The following AHCY variants were observed in gnomAD, a reference collection of about 807,000 sequenced individuals.
The protein encoded by AHCY is adenosylhomocysteinase.
Under a neutral mutation model 45.4 loss-of-function variants are expected in AHCY, and 24 were observed. That is an observed-to-expected ratio of 0.53 (90% CI 0.38 to 0.74). AHCY has a LOEUF of 0.74. Among genes scored for constraint, AHCY ranks in the 30% least tolerant of loss-of-function variants. AHCY has a pLI of 0.00. For synonymous variants in AHCY, 245 were observed against 235.1 expected, an observed-to-expected ratio of 1.04 and a Z score of -0.39; for missense variants, 449 against 594.1, an observed-to-expected ratio of 0.76 and a Z score of 2.54.
rs766897311 is a variant in AHCY, at chr20:34,290,752, C to T, written c.745G>A (p.Ala249Thr). Reference protein sequence around the residue: ...VIITEIDPINALQAAMEGYEV... With the variant: ...VIITEIDPINTLQAAMEGYEV... ...CTACCCTCCATGGCAGCCTGCAGTG[C>T]GTTGATGGGGTCAATCTCGGTGATG... Residue 249 changes from alanine (A) to threonine (T), a missense_variant, in exon 6 of 10, where the codon GCA (alanine) becomes ACA (threonine). Coordinates refer to ENST00000217426, the MANE Select transcript of AHCY (RefSeq NM_000687.4). The surrounding 1 kb of genome is among the most constrained non-coding windows in gnomAD (Gnocchi z 4.5). 1.9e-6 allele frequency: 3 copies of T among 1,613,938 alleles called. No individual in the cohort carries two copies. The highest frequency in any genetic ancestry group is 1.7e-6 in the Non-Finnish European group (2 of 1,180,018).
At chr20:34,253,528 A>C in the AHCY span, among the ~76,000 whole-genome samples, 1 of 151,304 alleles carries the variant, frequency 6.6e-6, no homozygotes, top group Admixed American at 6.6e-5. Flanking sequence ...GCCGGAGTGC[A>C]ATGGCACAAT....
intron 8 of AHCY, among the ~76,000 whole-genome samples, chr20:34,289,903 G>A (rs1256833371): frequency 6.6e-6 from 1 of 152,114 alleles, no homozygotes; most frequent in African/African-American, 2.4e-5. Flanking sequence ...TTACAGGTGT[G>A]AGCCACCATG....
chr20:34,235,323 C>G, the AHCY span, among the ~76,000 whole-genome samples: 1 of 152,080 alleles, frequency 6.6e-6, no homozygotes, highest in African/African-American at 2.4e-5. Flanking sequence ...ACCTGTAATC[C>G]CAGCTACTTG....
At chr20:34,240,592 G>A in the AHCY span, among the ~76,000 whole-genome samples, 2 of 152,254 alleles carry the variant, frequency 1.3e-5, no homozygotes, top group East Asian at 3.9e-4. Flanking sequence ...CTAATAAGGT[G>A]GGCTGGGCCT....
Position 34,294,061 on chromosome 20 carries a change from C to T in AHCY, c.295+20G>A. 2 of 1,613,440 alleles carry T rather than the reference C, an allele frequency of 1.2e-6. No individual in the cohort carries two copies. Among genetic ancestry groups the T allele is most frequent in the Non-Finnish European group, 1.7e-6 (2 of 1,179,418 alleles). On this transcript the variant is annotated intron_variant, in intron 3 of 9. Coordinates refer to ENST00000217426, the MANE Select transcript of AHCY (RefSeq NM_000687.4). ...GAATCCCTTCACAAATTCCACGTCT[C>T]AGAAGCAAGCAGGACTTACCCGGAA...
intron 1 of AHCY, among the ~76,000 whole-genome samples, chr20:34,308,955 A>ATTTT (rs769193254): frequency 2.2e-5 from 2 of 89,574 alleles, no homozygotes; most frequent in African/African-American, 4.7e-5. Flanking sequence ...CGCCTGGCCA[A>ATTTT]TTTTTTTTTT....
chr20:34,307,916 C>G (rs761911837), upstream of AHCY, among the ~76,000 whole-genome samples: 1 of 151,988 alleles, frequency 6.6e-6, no homozygotes, highest in African/African-American at 2.4e-5. Context: ...AGCACAGCAC[C>G]TAAGTTTTTT....
At chr20:34,297,695 A>T (rs1393519526) in intron 1 of AHCY, among the ~76,000 whole-genome samples, 1 of 152,060 alleles carries the variant, frequency 6.6e-6, no homozygotes, top group Non-Finnish European at 1.5e-5. Context: ...TACTCTCCTC[A>T]ACCCTCCAAC....
rs764535216 is a variant in AHCY at position 34,281,151 on chromosome 20, C to T, written c.1182G>A (p.Val394=). Residue 394 remains valine, a synonymous_variant, in exon 10 of 10, where the codon GTG becomes GTA. Transcript: ENST00000217426. The stretch of plus-strand genomic sequence containing the variant: ...TCAGCTTGCCCAGGTGGGCTTCAGC[C>T]ACTGCCTCATCCAGCTGGGGAGAAA... ...HFLPKKLDEA[V]AEAHLGKLNV... 2 of 1,613,456 alleles carry T rather than the reference C, an allele frequency of 1.2e-6. No individual in the cohort carries two copies. The highest frequency in any genetic ancestry group is 1.7e-6 in the Non-Finnish European group (2 of 1,180,014).
At chr20:34,280,247 T>C (rs1427662228), downstream of AHCY, 1 of 152,412 alleles carries the variant, frequency 6.6e-6, no homozygotes, top group Non-Finnish European at 1.5e-5. Flanking sequence ...GGATTATCTA[T>C]AAAATAAAGG....
rs548324389 is a variant in AHCY, at chr20:34,292,210, G to A, written c.445+148C>T. On this transcript the variant is annotated intron_variant, in intron 4 of 9. Coordinates refer to ENST00000217426, the MANE Select transcript of AHCY (RefSeq NM_000687.4). ...CACCCTCAGAAGTCAGGAGGCCCCAGCATGAATGCCAGAGCCTGCCATCCT... is the reference window on the plus strand; with the variant it reads ...CACCCTCAGAAGTCAGGAGGCCCCAACATGAATGCCAGAGCCTGCCATCCT... 2.9e-4 allele frequency: 328 copies of A among 1,144,768 alleles called. No homozygotes were observed. The African/African-American group carries it at 4.6e-3, about 16-fold the overall frequency. The allele number at this position is 1,144,768 out of a possible 1,614,324, so 70.9% of individuals were successfully genotyped here. A position where few individuals can be genotyped will look rare whatever the true frequency, so the allele number is the denominator to read the frequency against.
chr20:34,277,953 C>A (rs2035923244), downstream of AHCY, among the ~76,000 whole-genome samples: 1 of 152,118 alleles, frequency 6.6e-6, no homozygotes, highest in Admixed American at 6.6e-5. Flanking sequence ...CAACCACAGG[C>A]CTCATCTTCC....
the AHCY span, among the ~76,000 whole-genome samples, chr20:34,272,857 CTG>C: frequency 2.0e-5 from 3 of 152,188 alleles, no homozygotes; most frequent in African/African-American, 4.8e-5. Context: ...GCATTCCAGG[CTG>C]TGTCTCAAAA....
rs139394846 is a variant in AHCY at position 34,309,320 on chromosome 20, T to C, written c.-57+2152A>G. Among the ~76,000 whole-genome samples, 336 of 152,316 alleles carry C rather than the reference T, an allele frequency of 2.2e-3. 5 individuals carry two copies. The East Asian group carries it at 0.026, about 12-fold the overall frequency. ...ACATATTTTGCAGCTCTGTTTTCCATACATACACACTTCGGAGTGCTATGT... is the reference window on the plus strand; with the variant it reads ...ACATATTTTGCAGCTCTGTTTTCCACACATACACACTTCGGAGTGCTATGT... On this transcript the variant is annotated intron_variant, in intron 1 of 9. Coordinates refer to the AHCY transcript ENST00000538132.
intron 1 of AHCY, among the ~76,000 whole-genome samples, chr20:34,296,291 G>C (rs1232334624): frequency 2.0e-5 from 3 of 152,106 alleles, no homozygotes; most frequent in African/African-American, 7.2e-5. Flanking sequence ...CTTTTCCAGA[G>C]ACCAACCTAC....
At chr20:34,264,785 C>T in the AHCY span, among the ~76,000 whole-genome samples, 1 of 134,382 alleles carries the variant, frequency 7.4e-6, no homozygotes, top group African/African-American at 2.9e-5. Flanking sequence ...CCCTAGTTTA[C>T]TTCATTTTTT....
upstream of AHCY, among the ~76,000 whole-genome samples, chr20:34,304,593 C>T (rs1328215736): frequency 6.6e-6 from 1 of 151,460 alleles, no homozygotes; most frequent in East Asian, 1.9e-4. Flanking sequence ...CATCTAGGCT[C>T]GCTGCAACCT....
the AHCY span, chr20:34,245,835 C>T: frequency 1.3e-6 from 1 of 774,234 alleles, no homozygotes; most frequent in Admixed American, 5.6e-5. Context: ...TACAGTTTTA[C>T]TGTAGAATAT....
chr20:34,249,245 C>G, the AHCY span, among the ~76,000 whole-genome samples: 3 of 152,046 alleles, frequency 2.0e-5, no homozygotes, highest in Non-Finnish European at 4.4e-5. Flanking sequence ...GGGCTGGGAC[C>G]AGAACCCAGG....
Sources: allele counts gnomAD v4.1 joint callset (sites outside exome capture counted in the v4.1 genomes callset), GRCh38; gene constraint gnomAD v4.1.1; non-coding constraint Gnocchi (gnomAD v3.1); transcripts MANE v1.5; gene names NCBI Gene and HGNC (gene_info 2026-07-23, HGNC 2026-07-21).